GRIP1: variants seen among roughly 807,000 people sequenced by gnomAD.
GRIP1 encodes glutamate receptor-interacting protein 1.
GRIP1 carries 45 observed loss-of-function variants against 129.9 expected under a neutral mutation model. That is an observed-to-expected ratio of 0.35 (90% CI 0.27 to 0.44). The LOEUF (loss-of-function observed/expected upper bound fraction) is 0.44, where lower values mean the gene tolerates loss of function less well. Ranked by LOEUF, GRIP1 falls within the 20% of genes least tolerant of loss-of-function variation. The pLI is 1.00. For synonymous variants in GRIP1, 530 were observed against 520.8 expected (o/e 1.02, Z -0.24); for missense variants, 1,196 against 1,396.8 (o/e 0.86, Z 2.29).
chr12:66,743,730 G>C (rs1318404771), intron 1 of GRIP1, among the ~76,000 whole-genome samples: 1 of 152,054 alleles, frequency 6.6e-6, no homozygotes, highest in Non-Finnish European at 1.5e-5. Context: ...AATAAAGCCA[G>C]ACAAAGTTAA....
At chr12:66,555,007 T>A (rs1349361075) in intron 2 of GRIP1, among the ~76,000 whole-genome samples, 1 of 152,176 alleles carries the variant, frequency 6.6e-6, no homozygotes. Context: ...GAAGGATGGC[T>A]GGTTCTGCTA....
intron 1 of GRIP1, among the ~76,000 whole-genome samples, chr12:66,651,310 C>T (rs1361345570): frequency 6.6e-6 from 1 of 152,170 alleles, no homozygotes; most frequent in Non-Finnish European, 1.5e-5. Context: ...TGGTTTATTT[C>T]ACACACTGGA....
intron 1 of GRIP1, among the ~76,000 whole-genome samples, chr12:66,615,976 C>G (rs1231614845): frequency 1.3e-5 from 2 of 152,110 alleles, no homozygotes; most frequent in African/African-American, 4.8e-5. Context: ...AACCACGATG[C>G]CTGCATTCAA....
intron 19 of GRIP1, among the ~76,000 whole-genome samples, chr12:66,388,119 A>G (rs1265712232): frequency 6.6e-6 from 1 of 152,102 alleles, no homozygotes; most frequent in African/African-American, 2.4e-5. Flanking sequence ...TGCAAGAGTC[A>G]GTTCTCTGGG....
At chr12:67,004,350 G>T (rs1413801890) in intron 1 of GRIP1, among the ~76,000 whole-genome samples, 2 of 152,182 alleles carry the variant, frequency 1.3e-5, no homozygotes, top group African/African-American at 4.8e-5. Context: ...GGCCCCAGTT[G>T]TAACAGTCAC....
At chr12:66,828,223 A>G (rs1043694319) in intron 1 of GRIP1, among the ~76,000 whole-genome samples, 1 of 152,214 alleles carries the variant, frequency 6.6e-6, no homozygotes, top group Non-Finnish European at 1.5e-5. Flanking sequence ...TTTTAGATAT[A>G]ATCATAACTA....
At chr12:66,666,328 G>A (rs888543743) in intron 1 of GRIP1, among the ~76,000 whole-genome samples, 6 of 152,036 alleles carry the variant, frequency 3.9e-5, no homozygotes, top group African/African-American at 1.4e-4. Flanking sequence ...AAGTATAAAG[G>A]TCAAGTTCAT....
At chr12:66,946,928 C>CAGCT (rs2041680345) in intron 1 of GRIP1, among the ~76,000 whole-genome samples, 1 of 151,688 alleles carries the variant, frequency 6.6e-6, no homozygotes, top group Non-Finnish European at 1.5e-5. Context: ...CCTGTAATCC[C>CAGCT]AGCTACTTGG....
chr12:66,980,903 C>A (rs1030651277), intron 1 of GRIP1, among the ~76,000 whole-genome samples: 1 of 152,160 alleles, frequency 6.6e-6, no homozygotes, highest in Non-Finnish European at 1.5e-5. Context: ...GTGACTTGTT[C>A]TCCATTTCCG....
At chr12:66,968,863 T>C (rs766545326) in intron 1 of GRIP1, among the ~76,000 whole-genome samples, 15 of 152,188 alleles carry the variant, frequency 9.9e-5, no homozygotes, top group Non-Finnish European at 2.1e-4. Flanking sequence ...ATTATTCTTT[T>C]CTCTGAAGAA....
At chr12:66,639,534 T>C (rs1257278239) in intron 1 of GRIP1, among the ~76,000 whole-genome samples, 1 of 152,130 alleles carries the variant, frequency 6.6e-6, no homozygotes, top group African/African-American at 2.4e-5. Flanking sequence ...CATTAAGGAT[T>C]GGATAGCAAG....
intron 1 of GRIP1, among the ~76,000 whole-genome samples, chr12:66,609,784 A>G (rs2064709615): frequency 6.6e-6 from 1 of 152,192 alleles, no homozygotes; most frequent in Admixed American, 6.6e-5. Flanking sequence ...TTTTGCAGTA[A>G]ATGAGTTACT....
At chr12:66,739,139 G>A (rs1211439881) in intron 1 of GRIP1, among the ~76,000 whole-genome samples, 1 of 152,144 alleles carries the variant, frequency 6.6e-6, no homozygotes, top group African/African-American at 2.4e-5. Flanking sequence ...CTTGTCTACT[G>A]TAACTCATGC....
At chr12:66,972,232 A>C (rs1291937106) in intron 1 of GRIP1, among the ~76,000 whole-genome samples, 1 of 152,232 alleles carries the variant, frequency 6.6e-6, no homozygotes, top group African/African-American at 2.4e-5. Flanking sequence ...AAACTCTTCT[A>C]CATCACTCCA....
chr12:66,942,924 C>A (rs1339812642), intron 1 of GRIP1, among the ~76,000 whole-genome samples: 1 of 152,180 alleles, frequency 6.6e-6, no homozygotes, highest in East Asian at 1.9e-4. Flanking sequence ...AGATGGCCAT[C>A]TGTAAACCAG....
At chr12:66,663,715 C>A (rs1452338958) in intron 1 of GRIP1, among the ~76,000 whole-genome samples, 1 of 152,116 alleles carries the variant, frequency 6.6e-6, no homozygotes, top group African/African-American at 2.4e-5. Context: ...GAAAACTTTG[C>A]CTCCTACACA....
intron 1 of GRIP1, among the ~76,000 whole-genome samples, chr12:66,837,340 T>C (rs753102572): frequency 2.6e-5 from 4 of 152,170 alleles, no homozygotes; most frequent in African/African-American, 7.2e-5. Flanking sequence ...GACAGAACAA[T>C]GAAGCAACTG....
intron 1 of GRIP1, among the ~76,000 whole-genome samples, chr12:66,756,092 A>C (rs976554641): frequency 7.2e-5 from 11 of 152,200 alleles, no homozygotes; most frequent in African/African-American, 2.7e-4. Context: ...ACAGACCAGC[A>C]GTGTTAAGTA....
At chr12:66,477,649 C>A (rs1486634657) in intron 7 of GRIP1, among the ~76,000 whole-genome samples, 2 of 152,146 alleles carry the variant, frequency 1.3e-5, no homozygotes, top group East Asian at 3.8e-4. Context: ...TTACAGTAAC[C>A]AAAACAGCAT....
Sources: gnomAD v4.1 joint callset for allele counts (sites outside exome capture counted in the v4.1 genomes callset) on GRCh38, gnomAD v4.1.1 for gene constraint, MANE v1.5 for transcripts, NCBI Gene and HGNC (gene_info 2026-07-23, HGNC 2026-07-21) for gene names.